REV3L: variants seen among roughly 807,000 people sequenced by gnomAD.
REV3L encodes DNA polymerase zeta catalytic subunit.
In REV3L, 69 loss-of-function variants were observed where a neutral mutation model predicts 299.4. The ratio of observed to expected loss-of-function variants is 0.23; its 90% CI spans 0.19 to 0.28. The LOEUF is 0.28. Ranked by LOEUF, REV3L falls within the 10% of genes least tolerant of loss-of-function variation. REV3L has a pLI of 1.00. For missense variants in REV3L, 3,128 were observed against 3,693.8 expected (o/e 0.85, Z 3.97); for synonymous variants, 1,238 against 1,271.4 (o/e 0.97, Z 0.56).
At position 111,399,469 on chromosome 6, in the gene REV3L, T is replaced by C. The variant is rs1386422555; in HGVS notation, c.565+6001A>G. Among the ~76,000 whole-genome samples the C allele has an allele frequency of 2.0e-5, 3 of 152,128 alleles. No homozygotes were observed. The East Asian group carries it at 5.8e-4, about 29-fold the overall frequency. On this transcript the variant is annotated intron_variant, in intron 4 of 31. Transcript: ENST00000368802. The stretch of plus-strand genomic sequence containing the variant: ...AAACCTTTTATTTGAATGTCACCAG[T>C]TTTTCCACTAATGTCCTCTTTCTGT...
At chr6:111,408,341 G>A (rs1164656645) in intron 3 of REV3L, among the ~76,000 whole-genome samples, 4 of 152,110 alleles carry the variant, frequency 2.6e-5, no homozygotes, top group African/African-American at 4.8e-5. Flanking sequence ...GGTGGCTCAC[G>A]CCTGTAATCC....
intron 19 of REV3L, among the ~76,000 whole-genome samples, chr6:111,351,108 T>G (rs1777527358): frequency 6.6e-6 from 1 of 152,126 alleles, no homozygotes; most frequent in South Asian, 2.1e-4. Flanking sequence ...TCCCTTCTAG[T>G]TAGAATGAAA....
At chr6:111,482,278 A>G (rs898189873) in intron 1 of REV3L, among the ~76,000 whole-genome samples, 2 of 152,098 alleles carry the variant, frequency 1.3e-5, no homozygotes, top group African/African-American at 4.8e-5. Flanking sequence ...GACCATGGGG[A>G]GCGACTGACA....
chr6:111,328,257 AT>A (rs1562128300), intron 25 of REV3L, among the ~76,000 whole-genome samples: 1 of 152,098 alleles, frequency 6.6e-6, no homozygotes, highest in East Asian at 1.9e-4. Context: ...GACTTAAAAA[AT>A]TTTTTTAGTT....
chr6:111,431,463 G>T (rs1786918647), intron 1 of REV3L: 1 of 1,050,880 alleles, frequency 9.5e-7, no homozygotes, highest in East Asian at 2.4e-5. Flanking sequence ...GAAGAAACTT[G>T]ATGAGACCAC....
chr6:111,381,989 T>C (rs1177597070), intron 9 of REV3L, among the ~76,000 whole-genome samples: 1 of 152,224 alleles, frequency 6.6e-6, no homozygotes, highest in Non-Finnish European at 1.5e-5. Flanking sequence ...GTAGTTGTGG[T>C]TTCCCATTTC....
intron 27 of REV3L, among the ~76,000 whole-genome samples, chr6:111,314,848 AC>A (rs1773348466): frequency 7.1e-6 from 1 of 141,426 alleles, no homozygotes; most frequent in African/African-American, 2.6e-5. Context: ...ATATTTAAAT[AC>A]TTTTTTTTTT....
At chr6:111,390,415 G>A (rs1781801079) in intron 5 of REV3L, among the ~76,000 whole-genome samples, 1 of 151,952 alleles carries the variant, frequency 6.6e-6, no homozygotes, top group South Asian at 2.1e-4. Context: ...TAAATTCTAC[G>A]TATTTTGGTT....
intron 2 of REV3L, among the ~76,000 whole-genome samples, chr6:111,415,715 T>G (rs1784688109): frequency 6.6e-6 from 1 of 152,070 alleles, no homozygotes; most frequent in Non-Finnish European, 1.5e-5. Context: ...CTCCTTCAGG[T>G]CTTTGCTCAG....
At chr6:111,471,919 T>A (rs1170375775) in intron 1 of REV3L, 3 of 575,436 alleles carry the variant, frequency 5.2e-6, no homozygotes, top group Non-Finnish European at 7.1e-6. Context: ...ATTTAAGTTG[T>A]TAGTTAAGGG....
At chr6:111,380,268 T>C (rs766487096) in intron 10 of REV3L, 49 bp from the exon 11 acceptor site, 1 of 1,397,304 alleles carries the variant, frequency 7.2e-7, no homozygotes, top group Admixed American at 1.9e-5. Context: ...TCTTTTTTTT[T>C]TTTGACACGG....
intron 9 of REV3L, among the ~76,000 whole-genome samples, chr6:111,382,946 A>G (rs1439119745): frequency 6.6e-6 from 1 of 152,150 alleles, no homozygotes; most frequent in Non-Finnish European, 1.5e-5. Flanking sequence ...CGTGACACAC[A>G]TATTCCAGGC....
chr6:111,392,982 GAAAGGTA>G lies in REV3L; in HGVS notation c.566-17_566-11del, dbSNP rs756529567. On this transcript the variant is annotated splice_polypyrimidine_tract_variant and intron_variant, in intron 4 of 31. Transcript: ENST00000368802. ...GCATGCAATGTATTACCTAGGAATA[GAAAGGTA>G]AAAGGAATAAATTCTACTTTCAATT... 2 of 1,543,858 alleles carry G rather than the reference GAAAGGTA, an allele frequency of 1.3e-6. No homozygotes were observed.
At position 111,372,927 on chromosome 6, in the gene REV3L, A is replaced by G. The variant is rs2115064066; in HGVS notation, c.5428T>C (p.Ser1810Pro). Residue 1810 changes from serine (S) to proline (P), a missense_variant, in exon 13 of 32, where the codon TCT (serine) becomes CCT (proline). Around this residue, in one of 9 missense-constraint regions of REV3L, gnomAD observed 2,409 missense variants for 2,611.8 expected, o/e 0.92. Transcript: ENST00000368802. ...AAAGAGGTATTGGCTGAGTCAAGAG[A>G]CTGTCCCATTTCTTTTCTGGTGTGA... ...QGHTRKEMGQSLDSANTSFTA... is the reference protein window; with the variant it reads ...QGHTRKEMGQPLDSANTSFTA... 1 of 1,614,060 alleles carries G rather than the reference A, an allele frequency of 6.2e-7. No homozygotes were observed. The highest frequency in any genetic ancestry group is 1.7e-5 in the Admixed American group (1 of 60,026).
chr6:111,468,090 A>G (rs1362973212), intron 1 of REV3L, among the ~76,000 whole-genome samples: 1 of 152,238 alleles, frequency 6.6e-6, no homozygotes, highest in Non-Finnish European at 1.5e-5. Context: ...GACTGATGTC[A>G]TAATAAAACC....
rs75337372 is a variant in REV3L, at chr6:111,413,058, G to A, written c.330-1504C>T. ...TTAACTTTTTATAATACCACTTCCCGTCTAGTTTGCTGCTGTATACCCTAT... is the reference window on the plus strand; with the variant it reads ...TTAACTTTTTATAATACCACTTCCCATCTAGTTTGCTGCTGTATACCCTAT... On this transcript the variant is annotated intron_variant, in intron 2 of 31. Coordinates refer to ENST00000368802, the MANE Select transcript of REV3L (RefSeq NM_001372078.1). 7.2e-5 allele frequency among the ~76,000 whole-genome samples: 11 copies of A among 152,072 alleles called. No homozygotes were observed. In the East Asian group the frequency reaches 1.4e-3, roughly 19 times the overall value.
In REV3L at chr6:111,482,976, C is replaced by CGCCCCCTCCCCTTCTCGGCACG. The variant is rs1399805405; in HGVS notation, c.-110_-89dup. ...GCGGCTCCCTCCGCAGCGGCGGCGG[C>CGCCCCCTCCCCTTCTCGGCACG]GCCCCCTCCCCTTCTCGGCACGGCC... On this transcript the variant is annotated 5_prime_UTR_variant, in exon 1 of 32. Transcript: ENST00000368802. The CGCCCCCTCCCCTTCTCGGCACG allele has an allele frequency of 1.4e-6, 2 of 1,389,964 alleles. No homozygotes were observed. Among genetic ancestry groups the CGCCCCCTCCCCTTCTCGGCACG allele is most frequent in the Non-Finnish European group, 1.9e-6 (2 of 1,069,338 alleles). 86.1% of individuals were successfully genotyped at this position (1,389,964 alleles called of 1,614,324 possible).
chr6:111,436,786 A>G (rs1236853128), intron 1 of REV3L, among the ~76,000 whole-genome samples: 1 of 152,214 alleles, frequency 6.6e-6, no homozygotes, highest in Non-Finnish European at 1.5e-5. Context: ...AATAAATCAA[A>G]TATTTCTAGC....
intron 3 of REV3L, among the ~76,000 whole-genome samples, chr6:111,406,990 C>T (rs946458841): frequency 1.3e-5 from 2 of 152,048 alleles, no homozygotes; most frequent in Non-Finnish European, 2.9e-5. Context: ...TTAAAAATCA[C>T]ACAAAAGATA....
Sources: gnomAD v4.1 joint callset for allele counts (sites outside exome capture counted in the v4.1 genomes callset) on GRCh38, gnomAD v4.1.1 for gene constraint, gnomAD v4.1.1 regional missense constraint, MANE v1.5 for transcripts, NCBI Gene and HGNC (gene_info 2026-07-23, HGNC 2026-07-21) for gene names.